The following ADAMTS20 variants were observed in gnomAD, a reference collection of about 807,000 sequenced individuals.
The protein encoded by ADAMTS20 is ADAM metallopeptidase with thrombospondin type 1 motif 20.
Under a neutral mutation model 260.1 loss-of-function variants are expected in ADAMTS20, and 225 were observed. The ratio of observed to expected loss-of-function variants is 0.87; its 90% CI spans 0.78 to 0.97. The LOEUF (loss-of-function observed/expected upper bound fraction) is 0.97, where lower values mean the gene tolerates loss of function less well. ADAMTS20 is among the 50% of genes least tolerant of loss of function. The pLI, the probability that ADAMTS20 is intolerant of heterozygous loss-of-function variation, is 0.00. For missense variants in ADAMTS20, 2,400 were observed against 2,337.7 expected (o/e 1.03, Z -0.55); for synonymous variants, 802 against 769.5 (o/e 1.04, Z -0.70).
At chr12:43,356,428 G>A (rs1939743921) in intron 38 of ADAMTS20, 56 bp downstream of exon 38, 1 of 1,149,680 alleles carries the variant, frequency 8.7e-7, no homozygotes, top group Admixed American at 2.2e-5. Context: ...AACCTTTAAT[G>A]CTAGTTCATA....
chr12:43,405,900 G>T (rs181133187), intron 28 of ADAMTS20, among the ~76,000 whole-genome samples: 17 of 152,224 alleles, frequency 1.1e-4, no homozygotes, highest in African/African-American at 4.1e-4. Flanking sequence ...TAACCATATG[G>T]CTGGGTATTA....
At chr12:43,367,130 A>G (rs1241734952) in intron 37 of ADAMTS20, among the ~76,000 whole-genome samples, 3 of 151,990 alleles carry the variant, frequency 2.0e-5, no homozygotes, top group African/African-American at 7.2e-5. Flanking sequence ...AAACATATAA[A>G]GAATAATTTT....
chr12:43,360,321 C>A (rs1263923613), intron 37 of ADAMTS20, among the ~76,000 whole-genome samples: 1 of 151,988 alleles, frequency 6.6e-6, no homozygotes, highest in South Asian at 2.1e-4. Context: ...TGGTGGCAGT[C>A]GCCTGTAATC....
At chr12:43,422,946 T>C (rs1338062622) in intron 28 of ADAMTS20, 1 of 152,092 alleles carries the variant, frequency 6.6e-6, no homozygotes, top group East Asian at 1.9e-4. Context: ...TACATTTACA[T>C]AAACATTGCA....
chr12:43,480,208 G>T (rs1942420470), intron 7 of ADAMTS20, among the ~76,000 whole-genome samples: 1 of 152,108 alleles, frequency 6.6e-6, no homozygotes, highest in Admixed American at 6.5e-5. Context: ...TAAGGTGAAT[G>T]AAACCTTATA....
chr12:43,421,305 CT>C (rs1046180989), intron 28 of ADAMTS20, among the ~76,000 whole-genome samples: 229 of 119,146 alleles, frequency 1.9e-3, no homozygotes, highest in East Asian at 1.3e-3. Context: ...AAAACTTTCT[CT>C]TTTTTTGTGT....
chr12:43,429,571 A>G lies in ADAMTS20; in HGVS notation c.3489+46T>C, dbSNP rs776632175. 1.9e-5 allele frequency: 26 copies of G among 1,365,358 alleles called. No individual in the cohort carries two copies. In the East Asian group the frequency reaches 6.4e-4, roughly 34 times the overall value. The allele number at this position is 1,365,358 out of a possible 1,614,324, so 84.6% of individuals were successfully genotyped here. ...AGCAACCATTTTGTTGATGTCTAAA[A>G]GCTACCATAATAGAAACACTGTATC... is the stretch of plus-strand genomic sequence containing the variant. On this transcript the variant is annotated intron_variant, in intron 24 of 38. Transcript: ENST00000389420.
chr12:43,367,806 A>G (rs1430339132), intron 37 of ADAMTS20, among the ~76,000 whole-genome samples: 2 of 152,066 alleles, frequency 1.3e-5, no homozygotes, highest in Non-Finnish European at 1.5e-5. Context: ...CTACTGTTAC[A>G]ACTAATAAAT....
chr12:43,535,269 C>G (rs1943278603), intron 2 of ADAMTS20, among the ~76,000 whole-genome samples: 1 of 152,080 alleles, frequency 6.6e-6, no homozygotes, highest in Admixed American at 6.6e-5. Flanking sequence ...ATGTGGTAAG[C>G]AGTAGGTATT....
In ADAMTS20 at chr12:43,427,510, T is replaced by C. The variant is rs929057776; in HGVS notation, c.3946-41A>G. The C allele has an allele frequency of 4.5e-6, 7 of 1,544,442 alleles. No homozygotes were observed. The African/African-American group carries it at 7.0e-5, about 15-fold the overall frequency. On this transcript the variant is annotated intron_variant, in intron 26 of 38. Coordinates refer to ENST00000389420, the MANE Select transcript of ADAMTS20 (RefSeq NM_025003.5). ...CACAAAATATGCACAAACTGCGGAT[T>C]CCACATAATGAATTTACATGGTAAA...
intron 28 of ADAMTS20, among the ~76,000 whole-genome samples, chr12:43,412,463 G>A (rs1237950340): frequency 2.6e-5 from 4 of 152,182 alleles, no homozygotes; most frequent in Non-Finnish European, 5.9e-5. Flanking sequence ...TGAAAGGAAA[G>A]CTACATGTAA....
intron 6 of ADAMTS20, 91 bp downstream of exon 6, chr12:43,492,414 C>T (rs1412472787): frequency 2.1e-6 from 3 of 1,414,814 alleles, no homozygotes; most frequent in Non-Finnish European, 1.9e-6. Context: ...AAAACAAAAA[C>T]AAAACAAAAA....
At chr12:43,448,461 C>T (rs1165092802) in intron 14 of ADAMTS20, among the ~76,000 whole-genome samples, 2 of 152,216 alleles carry the variant, frequency 1.3e-5, no homozygotes, top group East Asian at 1.9e-4. Context: ...AAACCGGAAC[C>T]CTTCCTTACA....
chr12:43,541,760 GGTTTT>G (rs750707342), intron 2 of ADAMTS20, among the ~76,000 whole-genome samples: 1 of 148,384 alleles, frequency 6.7e-6, no homozygotes, highest in Non-Finnish European at 1.5e-5. Flanking sequence ...TCATAGTAAG[GGTTTT>G]GTTTTGTTTT....
rs1335971644 is a variant in ADAMTS20 at position 43,434,323 on chromosome 12, A to G, written c.2642T>C (p.Val881Ala). Reference protein sequence around the residue: ...ITCIHKSDHSVVSDKECDHLP... With the variant: ...ITCIHKSDHSAVSDKECDHLP... Reference sequence around the variant, plus strand: ...GTGGTCACATTCTTTATCAGACACAACACTATGATCACTCTTATGTATGCA... The same window carrying G: ...GTGGTCACATTCTTTATCAGACACAGCACTATGATCACTCTTATGTATGCA... The change falls in exon 19 of 39, where the codon GTT becomes GCT. Residue 881 changes from valine (V) to alanine (A), a missense_variant. Val to Ala is a moderately conservative substitution (Grantham distance 64). Coordinates refer to ENST00000389420, the MANE Select transcript of ADAMTS20 (RefSeq NM_025003.5). 9.4e-6 allele frequency: 15 copies of G among 1,593,194 alleles called. No individual in the cohort carries two copies. Among genetic ancestry groups the G allele is most frequent in the Non-Finnish European group, 1.3e-5 (15 of 1,168,516 alleles).
At chr12:43,360,184 C>G (rs1398760212) in intron 37 of ADAMTS20, among the ~76,000 whole-genome samples, 4 of 152,190 alleles carry the variant, frequency 2.6e-5, no homozygotes, top group South Asian at 2.1e-4. Context: ...CACGGTGGCT[C>G]ACGCCTGTAA....
chr12:43,531,823 T>C (rs550930873), intron 3 of ADAMTS20, among the ~76,000 whole-genome samples: 2 of 152,294 alleles, frequency 1.3e-5, no homozygotes, highest in African/African-American at 4.8e-5. Context: ...CTAATGCATT[T>C]GTTAATTAGT....
chr12:43,478,315 T>C (rs1942390481), intron 7 of ADAMTS20, among the ~76,000 whole-genome samples: 1 of 151,786 alleles, frequency 6.6e-6, no homozygotes, highest in South Asian at 2.1e-4. Context: ...GAGAGCCAAA[T>C]ATACTAATTT....
intron 3 of ADAMTS20, among the ~76,000 whole-genome samples, chr12:43,511,853 G>C (rs1445515249): frequency 6.6e-6 from 1 of 152,030 alleles, no homozygotes; most frequent in Non-Finnish European, 1.5e-5. Context: ...AATAATACTT[G>C]TTCTAGACTT....
Sources: allele counts gnomAD v4.1 joint callset (sites outside exome capture counted in the v4.1 genomes callset), GRCh38; gene constraint gnomAD v4.1.1; transcripts MANE v1.5; gene names NCBI Gene and HGNC (gene_info 2026-07-23, HGNC 2026-07-21).